TRDMT1: variants seen among roughly 807,000 people sequenced by gnomAD.
The protein encoded by TRDMT1 is tRNA aspartic acid methyltransferase 1.
A neutral mutation model predicts 51.2 loss-of-function variants in TRDMT1; 49 were observed. That is an observed-to-expected ratio of 0.96 (90% CI 0.76 to 1.21). The LOEUF (loss-of-function observed/expected upper bound fraction) is 1.21, where lower values mean the gene tolerates loss of function less well. Among genes scored for constraint, TRDMT1 ranks in the 50% most tolerant of loss-of-function variants. TRDMT1 has a pLI of 0.00. For synonymous variants in TRDMT1, 187 were observed against 164.6 expected (o/e 1.14, Z -1.04); for missense variants, 534 against 462.3 (o/e 1.16, Z -1.42).
At chr10:17,181,946 G>C (rs919087769) in intron 1 of TRDMT1, among the ~76,000 whole-genome samples, 43 of 152,278 alleles carry the variant, frequency 2.8e-4, no homozygotes, top group African/African-American at 1.0e-3. Context: ...CTCTGTTGAA[G>C]TGGTTCAGAT....
Position 17,141,533 on chromosome 10 carries a change from T to TC in TRDMT1, c.*7506_*7507insG, listed in dbSNP as rs200384272. Among the ~76,000 whole-genome samples, 2 of 151,944 alleles carry TC rather than the reference T, an allele frequency of 1.3e-5. No individual in the cohort carries two copies. Among genetic ancestry groups the TC allele is most frequent in the Non-Finnish European group, 2.9e-5 (2 of 67,956 alleles). ...ATTTAAATGCTCTTTCAGCTCCATT[T>TC]TTTTCCCCTCTACTTCTGGCACCCC... On this transcript the variant is annotated 3_prime_UTR_variant, in exon 11 of 11. Transcript: ENST00000377799.
chr10:17,197,972 T>C (rs764176705), intron 1 of TRDMT1, among the ~76,000 whole-genome samples: 6 of 151,642 alleles, frequency 4.0e-5, no homozygotes, highest in Non-Finnish European at 5.9e-5. Flanking sequence ...AGACGGAGGT[T>C]GCAGTGAACT....
chr10:17,148,209 G>T lies in TRDMT1; in HGVS notation c.*831C>A, dbSNP rs999044323. ...ATGTTGCTACAATAAAGAACAACTG[G>T]GGGGAGGGGAGTACTGTCATATGAC... is the stretch of plus-strand genomic sequence containing the variant. On this transcript the variant is annotated 3_prime_UTR_variant, in exon 11 of 11. Coordinates refer to ENST00000377799, the MANE Select transcript of TRDMT1 (RefSeq NM_004412.7). 3.0e-6 allele frequency: 3 copies of T among 985,264 alleles called. No individual in the cohort carries two copies. The highest frequency in any genetic ancestry group is 3.6e-6 in the Non-Finnish European group (3 of 829,936). The allele number at this position is 985,264 out of a possible 1,614,324, so 61.0% of individuals were successfully genotyped here.
Position 17,139,488 on chromosome 10 carries a change from G to A in TRDMT1, c.*9552C>T, listed in dbSNP as rs1004454538. Reference sequence around the variant, plus strand: ...GTGAGGATGTCACCACCGATGGGGGGAAGAAAAAAACAGTTTGGTTCTCTT... The same window carrying A: ...GTGAGGATGTCACCACCGATGGGGGAAAGAAAAAAACAGTTTGGTTCTCTT... On this transcript the variant is annotated 3_prime_UTR_variant, in exon 11 of 11. Transcript: ENST00000377799. 6.6e-6 allele frequency among the ~76,000 whole-genome samples: 1 copy of A among 151,676 alleles called. No individual in the cohort carries two copies. Among genetic ancestry groups the A allele is most frequent in the African/African-American group, 2.4e-5 (1 of 41,282 alleles).
chr10:17,162,946 G>A (rs976196034), intron 3 of TRDMT1, among the ~76,000 whole-genome samples: 1 of 152,040 alleles, frequency 6.6e-6, no homozygotes. Context: ...ACACACACAT[G>A]TGCTGGCTGA....
intron 1 of TRDMT1, among the ~76,000 whole-genome samples, chr10:17,184,865 T>C (rs984171059): frequency 7.9e-5 from 12 of 152,082 alleles, no homozygotes; most frequent in Admixed American, 2.6e-4. Flanking sequence ...GACAGTCTTA[T>C]GGAATTTTTT....
chr10:17,177,958 A>C (rs187987062), intron 1 of TRDMT1, among the ~76,000 whole-genome samples: 192 of 152,328 alleles, frequency 1.3e-3, no homozygotes, highest in Middle Eastern at 0.01. Context: ...GTAAATGCAA[A>C]TGTAAAAAAT....
At chr10:17,187,806 A>T (rs1424780237) in intron 1 of TRDMT1, among the ~76,000 whole-genome samples, 1 of 152,152 alleles carries the variant, frequency 6.6e-6, no homozygotes, top group African/African-American at 2.4e-5. Flanking sequence ...TACATTACAC[A>T]CATACCCACT....
At chr10:17,149,261 T>A in intron 10 of TRDMT1, 121 bp from the exon 11 acceptor site, 1 of 728,790 alleles carries the variant, frequency 1.4e-6, no homozygotes, top group Non-Finnish European at 2.2e-6. Context: ...AAGGTCTCCA[T>A]GAAGTTTTAT....
Position 17,146,678 on chromosome 10 carries a change from G to GT in TRDMT1, c.*2361dup, listed in dbSNP as rs1838139278. ...TATGGTGAAGACTGAATTACACATA[G>GT]TTCTCCTGAAAATGAGAAGCTATGT... On this transcript the variant is annotated 3_prime_UTR_variant, in exon 11 of 11. Coordinates refer to ENST00000377799, the MANE Select transcript of TRDMT1 (RefSeq NM_004412.7). The GT allele has an allele frequency of 1.0e-6, 1 of 985,278 alleles. No individual in the cohort carries two copies. 61.0% of individuals were successfully genotyped at this position (985,278 alleles called of 1,614,324 possible).
rs1165471285 is a variant in TRDMT1 at position 17,201,573 on chromosome 10, C to T, written c.62G>A (p.Arg21Lys). The T allele has an allele frequency of 2.6e-6, 4 of 1,549,894 alleles. No homozygotes were observed. The South Asian group carries it at 3.6e-5, about 14-fold the overall frequency. The change falls in exon 1 of 11, where the codon AGA becomes AAA. Residue 21 changes from arginine to lysine, a missense_variant and splice_region_variant. Physicochemically the swap from Arg to Lys is conservative, Grantham distance 26. Transcript: ENST00000377799. ...AGGGGTGCTAGATGGACTCTCACCT[C>T]TCAGCGCGTGGTGCATGCCGCCCAC... ...SGVGGMHHAL[R>K]ESCIPAQVVA...
At chr10:17,199,721 T>C (rs1212076052) in intron 1 of TRDMT1, among the ~76,000 whole-genome samples, 1 of 152,192 alleles carries the variant, frequency 6.6e-6, no homozygotes, top group African/African-American at 2.4e-5. Flanking sequence ...CAAATGATCA[T>C]GCTGCCTGCT....
In TRDMT1 at chr10:17,147,172, A is replaced by C; in HGVS notation, c.*1868T>G. ...TAAAACTCTAAACCATTTTATTTAG[A>C]ATATTTCAGCAGTGAACAGAACCTA... On this transcript the variant is annotated 3_prime_UTR_variant, in exon 11 of 11. Transcript: ENST00000377799. The C allele has an allele frequency of 3.0e-6, 3 of 985,836 alleles. No homozygotes were observed. The highest frequency in any genetic ancestry group is 3.6e-6 in the Non-Finnish European group (3 of 829,880). 61.1% of individuals were successfully genotyped at this position (985,836 alleles called of 1,614,324 possible).
At chr10:17,173,423 CA>C (rs1489991093) in intron 2 of TRDMT1, among the ~76,000 whole-genome samples, 2 of 152,054 alleles carry the variant, frequency 1.3e-5, no homozygotes, top group African/African-American at 4.8e-5. Flanking sequence ...CAACACTAAA[CA>C]AAAGCAGTTC....
At chr10:17,185,670 A>G (rs1049669745) in intron 1 of TRDMT1, among the ~76,000 whole-genome samples, 1 of 152,218 alleles carries the variant, frequency 6.6e-6, no homozygotes, top group Non-Finnish European at 1.5e-5. Context: ...ATGTCCATCA[A>G]TGATAGACTG....
intron 1 of TRDMT1, among the ~76,000 whole-genome samples, chr10:17,185,893 C>T (rs557182001): frequency 2.8e-4 from 42 of 151,926 alleles, no homozygotes; most frequent in South Asian, 6.2e-4. Context: ...CATCACACAC[C>T]GGGGCCTGTT....
At chr10:17,193,775 C>T (rs1469535967) in intron 1 of TRDMT1, among the ~76,000 whole-genome samples, 1 of 152,152 alleles carries the variant, frequency 6.6e-6, no homozygotes, top group East Asian at 1.9e-4. Flanking sequence ...TGTCAAACTA[C>T]TAGCATCATT....
chr10:17,190,950 A>G (rs1844604305), intron 1 of TRDMT1, among the ~76,000 whole-genome samples: 1 of 152,236 alleles, frequency 6.6e-6, no homozygotes, highest in Non-Finnish European at 1.5e-5. Context: ...GCATGGGAGA[A>G]GGGAGTGGTT....
In TRDMT1 at chr10:17,138,306, T is replaced by G. The variant is rs886321336; in HGVS notation, c.*10734A>C. ...AACGATCTTTTAACCTTCATGACACTTAATTCATTCTCTTTTTCAGGGACG... is the reference window on the plus strand; with the variant it reads ...AACGATCTTTTAACCTTCATGACACGTAATTCATTCTCTTTTTCAGGGACG... On this transcript the variant is annotated 3_prime_UTR_variant, in exon 11 of 11. Coordinates refer to ENST00000377799, the MANE Select transcript of TRDMT1 (RefSeq NM_004412.7). Among the ~76,000 whole-genome samples the G allele has an allele frequency of 6.6e-6, 1 of 152,240 alleles. No homozygotes were observed. The highest frequency in any genetic ancestry group is 2.4e-5 in the African/African-American group (1 of 41,462).
Sources: allele counts gnomAD v4.1 joint callset (sites outside exome capture counted in the v4.1 genomes callset), GRCh38; gene constraint gnomAD v4.1.1; transcripts MANE v1.5; gene names NCBI Gene and HGNC (gene_info 2026-07-23, HGNC 2026-07-21).